The following SRGAP1 variants were observed in gnomAD, a reference collection of about 807,000 sequenced individuals.
SRGAP1 encodes SLIT-ROBO Rho GTPase-activating protein 1.
SRGAP1 carries 43 observed loss-of-function variants against 121.9 expected under a neutral mutation model. The ratio of observed to expected loss-of-function variants is 0.35; its 90% confidence interval spans 0.28 to 0.46. The LOEUF (loss-of-function observed/expected upper bound fraction) is 0.46, where lower values mean the gene tolerates loss of function less well. SRGAP1 is among the 20% of genes least tolerant of loss of function. The pLI is 1.00. For missense variants in SRGAP1, 1,102 were observed against 1,350.9 expected (o/e 0.82, Z 2.89); for synonymous variants, 447 against 485.4 (o/e 0.92, Z 1.04).
intron 11 of SRGAP1, among the ~76,000 whole-genome samples, chr12:64,090,322 G>A (rs1473647029): frequency 6.6e-6 from 1 of 152,246 alleles, no homozygotes; most frequent in Non-Finnish European, 1.5e-5. Context: ...TGGAGAGGAA[G>A]AGAGTCTGCA....
chr12:63,897,408 T>G (rs1252051170), intron 1 of SRGAP1, among the ~76,000 whole-genome samples: 1 of 152,210 alleles, frequency 6.6e-6, no homozygotes, highest in Admixed American at 6.5e-5. Flanking sequence ...TTTGGACATG[T>G]CAGCTGTACT....
At position 64,150,971 on chromosome 12, in the gene SRGAP1, AT is replaced by A. The variant is rs1434977486; in HGVS notation, c.*8302del. The A allele has an allele frequency of 2.0e-5, 3 of 148,234 alleles. No individual in the cohort carries two copies. The highest frequency in any genetic ancestry group is 3.0e-5 in the Non-Finnish European group (2 of 67,036). The allele number at this position is 148,234 out of a possible 1,614,324, so 9.2% of individuals were successfully genotyped here. ...AAAAAAAAAAAAAAACATGGTCAAG[AT>A]TTGTAATAGAAATTGCCATTTGAAT... On this transcript the variant is annotated 3_prime_UTR_variant, in exon 22 of 22. Coordinates refer to ENST00000355086, the MANE Select transcript of SRGAP1 (RefSeq NM_020762.4).
rs1341692543 is a variant in SRGAP1 at position 64,157,925 on chromosome 12, A to G, written c.*15253A>G. Reference sequence around the variant, plus strand: ...TTTTTTTTGTTGCTGCCACCTTAGTACGTGGCCACCATGAAGAGGAAGAGA... The same window carrying G: ...TTTTTTTTGTTGCTGCCACCTTAGTGCGTGGCCACCATGAAGAGGAAGAGA... On this transcript the variant is annotated 3_prime_UTR_variant, in exon 22 of 22. Coordinates refer to ENST00000355086, the MANE Select transcript of SRGAP1 (RefSeq NM_020762.4). The G allele has an allele frequency of 6.6e-6, 1 of 152,316 alleles. No homozygotes were observed. Among genetic ancestry groups the G allele is most frequent in the South Asian group, 2.1e-4 (1 of 4,822 alleles). 9.4% of individuals were successfully genotyped at this position (152,316 alleles called of 1,614,324 possible).
chr12:64,024,249 C>T (rs2034607741), intron 4 of SRGAP1, among the ~76,000 whole-genome samples: 1 of 151,986 alleles, frequency 6.6e-6, no homozygotes, highest in Non-Finnish European at 1.5e-5. Flanking sequence ...GGCAACATGG[C>T]AAAAACCTGT....
chr12:63,969,699 T>C lies in SRGAP1; in HGVS notation c.68-14248T>C, dbSNP rs572838676. 1.7e-3 allele frequency among the ~76,000 whole-genome samples: 254 copies of C among 151,300 alleles called. 2 individuals are homozygous for C. Among genetic ancestry groups the C allele is most frequent in the Non-Finnish European group, 3.1e-3 (207 of 67,840 alleles). ...GTCCCAGCTACTCGGGAGGCTGAGT[T>C]AGGAGAATGGCGTGAACCCGGGAGG... On this transcript the variant is annotated intron_variant, in intron 1 of 21. Transcript: ENST00000355086.
At position 63,903,956 on chromosome 12, in the gene SRGAP1, A is replaced by C. The variant is rs530519528; in HGVS notation, c.67+59073A>C. On this transcript the variant is annotated intron_variant, in intron 1 of 21. Coordinates refer to ENST00000355086, the MANE Select transcript of SRGAP1 (RefSeq NM_020762.4). ...CTCCAGCCTGTTTTTTTAAATTGTG[A>C]AATACACATAATGAATATTTTATAT... 5.3e-5 allele frequency among the ~76,000 whole-genome samples: 8 copies of C among 152,274 alleles called. No homozygotes were observed. The East Asian group carries it at 1.5e-3, about 29-fold the overall frequency.
chr12:64,043,364 A>G (rs2035061150), intron 5 of SRGAP1, 83 bp from the exon 6 acceptor site: 5 of 1,335,108 alleles, frequency 3.7e-6, no homozygotes, highest in Non-Finnish European at 5.1e-6. Flanking sequence ...TGTTAAGGTT[A>G]ATAAAAATGC....
At chr12:64,111,135 A>G (rs1441224215) in intron 16 of SRGAP1, among the ~76,000 whole-genome samples, 6 of 152,118 alleles carry the variant, frequency 3.9e-5, no homozygotes, top group Admixed American at 1.3e-4. Flanking sequence ...TCTCCCCCAC[A>G]GTTTGCAAGC....
intron 1 of SRGAP1, among the ~76,000 whole-genome samples, chr12:63,953,929 A>G (rs1360113457): frequency 3.9e-5 from 6 of 152,226 alleles, no homozygotes; most frequent in African/African-American, 1.4e-4. Context: ...CAGTCTTCCC[A>G]ATATATGAAA....
intron 1 of SRGAP1, among the ~76,000 whole-genome samples, chr12:63,876,273 C>T (rs570533864): frequency 1.9e-4 from 29 of 152,126 alleles, no homozygotes; most frequent in South Asian, 1.2e-3. Flanking sequence ...CCTTACAATC[C>T]GCTTGATGGT....
At chr12:64,048,944 C>A (rs1348190887) in intron 6 of SRGAP1, among the ~76,000 whole-genome samples, 1 of 152,124 alleles carries the variant, frequency 6.6e-6, no homozygotes, top group Non-Finnish European at 1.5e-5. Flanking sequence ...TTCTCCCATT[C>A]TGTGGATTCT....
intron 4 of SRGAP1, 33 bp from the exon 5 acceptor site, chr12:64,042,757 C>T (rs765780834): frequency 1.9e-6 from 3 of 1,567,414 alleles, no homozygotes; most frequent in South Asian, 1.1e-5. Flanking sequence ...GACAGACAGA[C>T]ATCTTGTAAC....
At chr12:63,927,809 G>GCAAA (rs1354275444) in intron 1 of SRGAP1, among the ~76,000 whole-genome samples, 332 of 151,978 alleles carry the variant, frequency 2.2e-3, no homozygotes, top group African/African-American at 7.7e-3. Context: ...CAAATAATTT[G>GCAAA]TTATTTGAGG....
At chr12:63,988,870 G>T (rs1039606594) in intron 2 of SRGAP1, among the ~76,000 whole-genome samples, 1 of 152,148 alleles carries the variant, frequency 6.6e-6, no homozygotes, top group African/African-American at 2.4e-5. Flanking sequence ...GAGTGCAGTG[G>T]CACAATCTCG....
At chr12:64,042,744 A>G (rs776750667) in intron 4 of SRGAP1, 46 bp from the exon 5 acceptor site, 3 of 1,512,292 alleles carry the variant, frequency 2.0e-6, no homozygotes, top group Admixed American at 1.7e-5. Context: ...TCACTCTCTA[A>G]ATGACAGACA....
intron 1 of SRGAP1, among the ~76,000 whole-genome samples, chr12:63,868,855 A>G (rs1430472198): frequency 6.6e-6 from 1 of 152,208 alleles, no homozygotes; most frequent in Non-Finnish European, 1.5e-5. Context: ...TGTTGAGAAG[A>G]TCTAGTTTTA....
chr12:64,091,791 A>C (rs2036057347), intron 12 of SRGAP1: 3 of 855,316 alleles, frequency 3.5e-6, no homozygotes, highest in Non-Finnish European at 3.5e-6. Context: ...TGAGGAATTC[A>C]TTATATTGAA....
At chr12:63,909,858 A>G (rs145031662) in intron 1 of SRGAP1, among the ~76,000 whole-genome samples, 9 of 152,304 alleles carry the variant, frequency 5.9e-5, no homozygotes, top group African/African-American at 2.2e-4. Context: ...CTGGAGACAG[A>G]ATTTTTTCTC....
chr12:64,126,171 A>T lies in SRGAP1; in HGVS notation c.2405+14A>T. 6.2e-7 allele frequency: 1 copy of T among 1,605,756 alleles called. No individual in the cohort carries two copies. Among genetic ancestry groups the T allele is most frequent in the Non-Finnish European group, 8.5e-7 (1 of 1,173,544 alleles). ...GGTGCAGGATATGTGAGTAGTCTCA[A>T]CTTTGATTGCCTGAGTGCTCCCAAT... On this transcript the variant is annotated intron_variant, in intron 19 of 21. Coordinates refer to ENST00000355086, the MANE Select transcript of SRGAP1 (RefSeq NM_020762.4).
Sources: gnomAD v4.1 joint callset for allele counts (sites outside exome capture counted in the v4.1 genomes callset) on GRCh38, gnomAD v4.1.1 for gene constraint, MANE v1.5 for transcripts, NCBI Gene and HGNC (gene_info 2026-07-23, HGNC 2026-07-21) for gene names.